The following GRK3 variants were observed in gnomAD, a reference collection of about 807,000 sequenced individuals.
The protein encoded by GRK3 is adrenergic, beta, receptor kinase 2.
GRK3 carries 54 observed loss-of-function variants against 95.7 expected under a neutral mutation model. The ratio of observed to expected loss-of-function variants is 0.56; its 90% CI spans 0.45 to 0.71. The LOEUF is 0.71. Ranked by LOEUF, GRK3 falls within the 30% of genes least tolerant of loss-of-function variation. GRK3 has a pLI of 0.00. For missense variants in GRK3, 649 were observed against 851.2 expected (o/e 0.76, Z 2.96); for synonymous variants, 281 against 290.8 (o/e 0.97, Z 0.34).
At chr22:25,596,330 A>C (rs2084372315) in intron 1 of GRK3, among the ~76,000 whole-genome samples, 1 of 152,210 alleles carries the variant, frequency 6.6e-6, no homozygotes, top group African/African-American at 2.4e-5. Flanking sequence ...CTTCAAAAAG[A>C]AGTAATGTGA....
At chr22:25,583,357 C>CTTTTTTTTT (rs113355685) in intron 1 of GRK3, among the ~76,000 whole-genome samples, 4 of 135,574 alleles carry the variant, frequency 3.0e-5, no homozygotes, top group African/African-American at 5.5e-5. Flanking sequence ...TTTCTGTGTA[C>CTTTTTTTTT]TTTTTTTTTT....
chr22:25,668,056 T>C (rs994172318), intron 6 of GRK3, among the ~76,000 whole-genome samples: 12 of 152,204 alleles, frequency 7.9e-5, no homozygotes, highest in African/African-American at 2.9e-4. Context: ...CTGAGGAACC[T>C]CAATTTTAAA....
intron 15 of GRK3, among the ~76,000 whole-genome samples, chr22:25,707,432 G>A (rs2085308584): frequency 6.6e-6 from 1 of 152,194 alleles, no homozygotes; most frequent in Non-Finnish European, 1.5e-5. Context: ...GGCACACACT[G>A]ATGCTACCCC....
chr22:25,634,184 GA>G (rs1474751971), intron 2 of GRK3, among the ~76,000 whole-genome samples: 2 of 152,036 alleles, frequency 1.3e-5, no homozygotes, highest in Non-Finnish European at 2.9e-5. Context: ...TTTTAAACTT[GA>G]AAAAATGTAC....
At chr22:25,685,031 A>G in intron 9 of GRK3, 139 bp from the exon 10 acceptor site, 1 of 607,616 alleles carries the variant, frequency 1.6e-6, no homozygotes, top group Non-Finnish European at 2.9e-6. Flanking sequence ...ATCAAACTGT[A>G]CACCATAAAT....
chr22:25,635,553 C>T (rs903056132), intron 2 of GRK3, among the ~76,000 whole-genome samples: 1 of 152,192 alleles, frequency 6.6e-6, no homozygotes, highest in African/African-American at 2.4e-5. Flanking sequence ...CCTTTAGTCT[C>T]CTTTAATCTG....
chr22:25,725,616 C>T lies in GRK3; in HGVS notation c.*3166C>T. Reference sequence around the variant, plus strand: ...AAAGTGCTCATGCCTCTGATTGGTCCATTCACTGACGTGACAATTTCAGGT... The same window carrying T: ...AAAGTGCTCATGCCTCTGATTGGTCTATTCACTGACGTGACAATTTCAGGT... On this transcript the variant is annotated 3_prime_UTR_variant, in exon 21 of 21. Transcript: ENST00000324198. 2.5e-6 allele frequency: 1 copy of T among 398,526 alleles called. No homozygotes were observed. The highest frequency in any genetic ancestry group is 4.4e-6 in the Non-Finnish European group (1 of 226,072). The allele number at this position is 398,526 out of a possible 1,614,324, so 24.7% of individuals were successfully genotyped here.
At chr22:25,661,938 C>A (rs1053482356) in intron 4 of GRK3, among the ~76,000 whole-genome samples, 1 of 152,080 alleles carries the variant, frequency 6.6e-6, no homozygotes, top group Non-Finnish European at 1.5e-5. Context: ...TTTAGATCAA[C>A]TGAAGAAAAA....
chr22:25,712,979 A>G (rs889972507), intron 17 of GRK3, among the ~76,000 whole-genome samples: 1 of 152,148 alleles, frequency 6.6e-6, no homozygotes, highest in Non-Finnish European at 1.5e-5. Context: ...TAAATAATAC[A>G]TTTTCTTTAA....
At chr22:25,652,452 T>G (rs1442662375) in intron 3 of GRK3, among the ~76,000 whole-genome samples, 1 of 152,192 alleles carries the variant, frequency 6.6e-6, no homozygotes, top group Non-Finnish European at 1.5e-5. Context: ...AAATGAATGT[T>G]GACTGTATAA....
chr22:25,606,549 T>G (rs1468667765), intron 2 of GRK3, among the ~76,000 whole-genome samples: 1 of 152,206 alleles, frequency 6.6e-6, no homozygotes, highest in East Asian at 1.9e-4. Flanking sequence ...CTTCCATCAC[T>G]GACTCCATGC....
chr22:25,590,608 T>G (rs1248626347), intron 1 of GRK3, among the ~76,000 whole-genome samples: 1 of 152,022 alleles, frequency 6.6e-6, no homozygotes, highest in African/African-American at 2.4e-5. Flanking sequence ...GATCATAAGG[T>G]CAAGAGATCG....
intron 2 of GRK3, among the ~76,000 whole-genome samples, chr22:25,623,774 T>C (rs532956300): frequency 6.6e-6 from 1 of 152,306 alleles, no homozygotes; most frequent in East Asian, 1.9e-4. Context: ...CTCGTCCTTG[T>C]CTCTCCTGCC....
At chr22:25,631,513 G>C (rs1038887628) in intron 2 of GRK3, among the ~76,000 whole-genome samples, 5 of 152,194 alleles carry the variant, frequency 3.3e-5, no homozygotes, top group Admixed American at 6.5e-5. Flanking sequence ...TGGCTCAACT[G>C]TATGTGTCCA....
chr22:25,701,682 G>C (rs748076309), intron 13 of GRK3, among the ~76,000 whole-genome samples: 14 of 152,214 alleles, frequency 9.2e-5, no homozygotes, highest in Admixed American at 6.5e-4. Context: ...CCAGATGCAG[G>C]AGTGGGGTCC....
chr22:25,697,864 C>G lies in GRK3; in HGVS notation c.1160+2650C>G, dbSNP rs145649934. 7.9e-5 allele frequency among the ~76,000 whole-genome samples: 12 copies of G among 152,294 alleles called. No individual in the cohort carries two copies. In the East Asian group the frequency reaches 2.3e-3, roughly 29 times the overall value. ...TAGATAGGATTAGATGAATCTCCCC[C>G]ACTAGGATTTATTATCTCATGCCAT... On this transcript the variant is annotated intron_variant, in intron 13 of 20. Transcript: ENST00000324198.
At chr22:25,585,490 G>A (rs1932268603) in intron 1 of GRK3, among the ~76,000 whole-genome samples, 1 of 151,054 alleles carries the variant, frequency 6.6e-6, no homozygotes, top group South Asian at 2.1e-4. Context: ...TCATATATAT[G>A]TCATGTGAGA....
intron 19 of GRK3, among the ~76,000 whole-genome samples, chr22:25,720,639 G>C (rs1167114070): frequency 2.6e-5 from 4 of 151,772 alleles, no homozygotes; most frequent in Admixed American, 6.6e-5. Flanking sequence ...ACCACGCCCG[G>C]CTAATTTTTG....
chr22:25,618,722 AT>A (rs5844650), intron 2 of GRK3, among the ~76,000 whole-genome samples: 13,715 of 135,954 alleles, frequency 0.1, 626 homozygotes, highest in Middle Eastern at 0.16. Context: ...GTACCTCTTC[AT>A]TTTTTTTTTT....
Sources: gnomAD v4.1 joint callset for allele counts (sites outside exome capture counted in the v4.1 genomes callset) on GRCh38, gnomAD v4.1.1 for gene constraint, MANE v1.5 for transcripts, NCBI Gene and HGNC (gene_info 2026-07-23, HGNC 2026-07-21) for gene names.